Variants in SPAG17 observed in about 807,000 individuals in gnomAD.
SPAG17 encodes the protein sperm-associated antigen 17.
SPAG17 carries 169 observed loss-of-function variants against 273.6 expected under a neutral mutation model. The observed-to-expected ratio is 0.62, with a 90% CI of 0.55 to 0.70. SPAG17 has a LOEUF of 0.70. Among genes scored for constraint, SPAG17 ranks in the 30% least tolerant of loss-of-function variants. The pLI is 0.00. For synonymous variants in SPAG17, 825 were observed against 873.2 expected (o/e 0.94, Z 0.97); for missense variants, 2,557 against 2,627.8 (o/e 0.97, Z 0.59).
At chr1:118,101,606 G>T in intron 5 of SPAG17, 134 bp downstream of exon 5, 1 of 834,560 alleles carries the variant, frequency 1.2e-6, no homozygotes, top group Non-Finnish European at 1.9e-6. Flanking sequence ...AGTGTCTCTA[G>T]GGCAAAATGA....
chr1:118,160,687 A>C (rs1031414510), intron 1 of SPAG17, among the ~76,000 whole-genome samples: 1 of 152,240 alleles, frequency 6.6e-6, no homozygotes, highest in Admixed American at 6.5e-5. Flanking sequence ...ATTCTTCCCC[A>C]AATTCAATAA....
At position 118,115,429 on chromosome 1, in the gene SPAG17, C is replaced by T; in HGVS notation, c.328G>A (p.Ala110Thr). 6.2e-7 allele frequency: 1 copy of T among 1,613,214 alleles called. No individual in the cohort carries two copies. The highest frequency in any genetic ancestry group is 8.5e-7 in the Non-Finnish European group (1 of 1,179,552). The stretch of plus-strand genomic sequence containing the variant: ...TCTCCACTATCCATAATTGCTTTTG[C>T]TGCCGTTAACACCTATACAGAAACA... ...APLYYEVLTA[A>T]KAIMDSGEKL... The change falls in exon 4 of 49, where the codon GCA becomes ACA. Residue 110 changes from alanine (A) to threonine (T), a missense_variant. Coordinates refer to ENST00000336338, the MANE Select transcript of SPAG17 (RefSeq NM_206996.4).
intron 4 of SPAG17, among the ~76,000 whole-genome samples, chr1:118,109,260 T>C (rs1378041252): frequency 1.3e-5 from 2 of 150,426 alleles, no homozygotes; most frequent in East Asian, 2.0e-4. Context: ...TCCTGCCTAA[T>C]GTAGGCTGGG....
At chr1:118,020,380 G>A (rs1221752166) in intron 28 of SPAG17, among the ~76,000 whole-genome samples, 1 of 151,842 alleles carries the variant, frequency 6.6e-6, no homozygotes, top group Non-Finnish European at 1.5e-5. Flanking sequence ...GTTGCAGTGA[G>A]CTGAGATCAC....
chr1:118,115,097 C>T (rs1338335445), intron 4 of SPAG17, among the ~76,000 whole-genome samples: 2 of 152,124 alleles, frequency 1.3e-5, no homozygotes, highest in Non-Finnish European at 2.9e-5. Flanking sequence ...AATATTGTTA[C>T]TTTCATATTT....
intron 18 of SPAG17, among the ~76,000 whole-genome samples, chr1:118,061,888 C>T (rs1252420990): frequency 1.3e-5 from 2 of 151,822 alleles, no homozygotes; most frequent in Admixed American, 6.6e-5. Context: ...GGAACTCGAA[C>T]AAAGTAAAGA....
intron 3 of SPAG17, among the ~76,000 whole-genome samples, chr1:118,149,286 C>A (rs1165208269): frequency 6.6e-6 from 1 of 152,148 alleles, no homozygotes; most frequent in Non-Finnish European, 1.5e-5. Context: ...CTTGTGCTAT[C>A]CCACATCCAA....
At chr1:118,022,225 A>AT (rs1394210891) in intron 28 of SPAG17, among the ~76,000 whole-genome samples, 7 of 152,234 alleles carry the variant, frequency 4.6e-5, no homozygotes, top group African/African-American at 1.4e-4. Flanking sequence ...CTCTCCCTCA[A>AT]TTTTCTCATT....
intron 1 of SPAG17, among the ~76,000 whole-genome samples, chr1:118,182,439 A>G (rs2102413492): frequency 6.6e-6 from 1 of 152,322 alleles, no homozygotes; most frequent in South Asian, 2.1e-4. Context: ...TGACTTTCTA[A>G]TGCTGCTAGA....
intron 1 of SPAG17, among the ~76,000 whole-genome samples, chr1:118,171,512 T>G (rs946794012): frequency 4.6e-5 from 7 of 152,142 alleles, no homozygotes; most frequent in Admixed American, 3.3e-4. Context: ...AGCCTACAAG[T>G]TGAGTATAAA....
chr1:118,134,243 T>C (rs1658215439), intron 3 of SPAG17, among the ~76,000 whole-genome samples: 1 of 152,126 alleles, frequency 6.6e-6, no homozygotes. Flanking sequence ...AATTAGTGAA[T>C]AGAAAAACAT....
intron 48 of SPAG17, among the ~76,000 whole-genome samples, chr1:117,956,575 A>G (rs958070697): frequency 6.6e-6 from 1 of 152,194 alleles, no homozygotes; most frequent in Non-Finnish European, 1.5e-5. Flanking sequence ...ATCCCATTTG[A>G]TATCCTCTTA....
At chr1:118,005,777 G>A (rs1658815051) in intron 31 of SPAG17, among the ~76,000 whole-genome samples, 175 bp from the exon 32 acceptor site, 1 of 152,158 alleles carries the variant, frequency 6.6e-6, no homozygotes, top group Admixed American at 6.5e-5. Context: ...ACTCGATAAA[G>A]AGGCAAACTG....
rs751463703 is a variant in SPAG17, at chr1:118,081,230, G to C, written c.2080C>G (p.Pro694Ala). The part of the protein sequence containing the change: ...DNESNREPSD[P>A]SQCDANNMKH... Reference sequence around the variant, plus strand: ...ATATTGTTAGCATCACACTGACTAGGATCTGAAGGTTCTCGGTTGCTTTCA... The same window carrying C: ...ATATTGTTAGCATCACACTGACTAGCATCTGAAGGTTCTCGGTTGCTTTCA... The change falls in exon 15 of 49, where the codon CCT becomes GCT. Residue 694 changes from proline (P) to alanine (A), a missense_variant. By Grantham distance (27) the Pro-to-Ala change is conservative. Coordinates refer to ENST00000336338, the MANE Select transcript of SPAG17 (RefSeq NM_206996.4). 51 of 1,613,872 alleles carry C rather than the reference G, an allele frequency of 3.2e-5. No homozygotes were observed. Among genetic ancestry groups the C allele is most frequent in the Non-Finnish European group, 4.0e-5 (47 of 1,179,966 alleles).
intron 1 of SPAG17, among the ~76,000 whole-genome samples, chr1:118,167,503 T>C (rs1660228532): frequency 1.3e-5 from 2 of 152,180 alleles, no homozygotes; most frequent in African/African-American, 4.8e-5. Context: ...AATTTTGAAG[T>C]CTCTTTACTG....
intron 3 of SPAG17, among the ~76,000 whole-genome samples, chr1:118,118,535 A>G (rs1239645025): frequency 1.3e-5 from 2 of 152,226 alleles, no homozygotes; most frequent in Non-Finnish European, 2.9e-5. Flanking sequence ...TGAATCAGGA[A>G]CTCAAAAAAG....
chr1:117,990,823 T>C (rs1656989962), intron 38 of SPAG17, 38 bp downstream of exon 38: 2 of 1,399,096 alleles, frequency 1.4e-6, no homozygotes, highest in Non-Finnish European at 2.0e-6. Flanking sequence ...CTTTGAAACT[T>C]GTAAATATAC....
At position 118,039,444 on chromosome 1, in the gene SPAG17, C is replaced by T; in HGVS notation, c.3167G>A (p.Gly1056Asp). ...IEVEKTMFEK[G>D]PTFIKVRVVK... ...CACTCTCACTTTGATAAAAGTTGGG[C>T]CTGAGGAGGAACCATAGAATAGAAG... Residue 1056 changes from glycine (G) to aspartate (D), a missense_variant and splice_region_variant, in exon 23 of 49, where the codon GGC becomes GAC. Physicochemically the swap from Gly to Asp is moderately conservative, Grantham distance 94. Coordinates refer to ENST00000336338, the MANE Select transcript of SPAG17 (RefSeq NM_206996.4). 1 of 1,613,002 alleles carries T rather than the reference C, an allele frequency of 6.2e-7. No homozygotes were observed. Among genetic ancestry groups the T allele is most frequent in the Non-Finnish European group, 8.5e-7 (1 of 1,179,350 alleles).
intron 20 of SPAG17, 93 bp from the exon 21 acceptor site, chr1:118,042,135 T>C: frequency 7.0e-7 from 1 of 1,434,356 alleles, no homozygotes. Context: ...TAACATGATT[T>C]TTGTTAGTGT....
Sources: allele counts gnomAD v4.1 joint callset (sites outside exome capture counted in the v4.1 genomes callset), GRCh38; gene constraint gnomAD v4.1.1; transcripts MANE v1.5; gene names NCBI Gene and HGNC (gene_info 2026-07-23, HGNC 2026-07-21).